SH3TC2: variants seen among roughly 807,000 people sequenced by gnomAD.
SH3TC2 encodes the protein SH3 domain and tetratricopeptide repeat-containing protein 2.
SH3TC2 carries 87 observed loss-of-function variants against 124.5 expected under a neutral mutation model. The observed-to-expected ratio is 0.70, with a 90% CI of 0.59 to 0.84. The LOEUF (loss-of-function observed/expected upper bound fraction) is 0.84. Among genes scored for constraint, SH3TC2 ranks in the 40% least tolerant of loss-of-function variants. SH3TC2 has a pLI of 0.00. For synonymous variants in SH3TC2, 634 were observed against 628.5 expected (o/e 1.01, Z -0.13); for missense variants, 1,536 against 1,566.4 (o/e 0.98, Z 0.33).
chr5:148,991,359 C>T lies in SH3TC2; in HGVS notation c.*13352G>A, dbSNP rs192178726. 3.0e-3 allele frequency among the ~76,000 whole-genome samples: 464 copies of T among 152,308 alleles called. 2 individuals carry two copies. The highest frequency in any genetic ancestry group is 0.014 in the Middle Eastern group (4 of 294). On this transcript the variant is annotated 3_prime_UTR_variant, in exon 17 of 17. Transcript: ENST00000515425. Reference sequence around the variant, plus strand: ...GTGCTCTGAAGAAGAGGGTCAATTTCTTTGTGGGGAGTAGCAACACAAACC... The same window carrying T: ...GTGCTCTGAAGAAGAGGGTCAATTTTTTTGTGGGGAGTAGCAACACAAACC...
rs1448193395 is a variant in SH3TC2 at position 148,991,388 on chromosome 5, C to A, written c.*13323G>T. Among the ~76,000 whole-genome samples the A allele has an allele frequency of 6.6e-6, 1 of 152,184 alleles. No homozygotes were observed. Among genetic ancestry groups the A allele is most frequent in the Non-Finnish European group, 1.5e-5 (1 of 68,044 alleles). On this transcript the variant is annotated 3_prime_UTR_variant, in exon 17 of 17. Coordinates refer to ENST00000515425, the MANE Select transcript of SH3TC2 (RefSeq NM_024577.4). ...GTGGGGAGTAGCAACACAAACCATC[C>A]AGCCAGCAATTAAATCTACAGTTCC...
intron 12 of SH3TC2, among the ~76,000 whole-genome samples, chr5:149,015,598 C>T (rs115533705): frequency 7.6e-4 from 116 of 152,318 alleles, no homozygotes; most frequent in African/African-American, 2.6e-3. Context: ...TCTCATTTTT[C>T]CTGTCCTCAA....
At chr5:149,058,446 T>C (rs898809743) in intron 1 of SH3TC2, among the ~76,000 whole-genome samples, 2 of 152,238 alleles carry the variant, frequency 1.3e-5, no homozygotes, top group Non-Finnish European at 2.9e-5. Context: ...TGACTTACGA[T>C]GTTAATCACT....
chr5:149,040,614 G>A lies in SH3TC2; in HGVS notation c.795C>T (p.Ser265=), dbSNP rs1216418483. 1 of 1,613,984 alleles carries A rather than the reference G, an allele frequency of 6.2e-7. No individual in the cohort carries two copies. Among genetic ancestry groups the A allele is most frequent in the Non-Finnish European group, 8.5e-7 (1 of 1,179,860 alleles). ...GLSRKRDWTG[S]YQIGRGRCKA... ...TTGACTCAGCCATACCAATCTGATA[G>A]GAGCCTGTCCAATCCCTCTTCCTGG... Residue 265 remains serine, a synonymous_variant, in exon 7 of 17, where the codon TCC becomes TCT. Transcript: ENST00000515425.
chr5:149,021,866 A>C (rs1753976077), intron 12 of SH3TC2, among the ~76,000 whole-genome samples: 1 of 145,576 alleles, frequency 6.9e-6, no homozygotes, highest in Non-Finnish European at 1.5e-5. Flanking sequence ...ATTAACACCA[A>C]TCCTTCACAA....
chr5:149,041,086 T>G (rs1346894216), intron 6 of SH3TC2, among the ~76,000 whole-genome samples: 1 of 152,154 alleles, frequency 6.6e-6, no homozygotes, highest in African/African-American at 2.4e-5. Flanking sequence ...AAATGAAGAT[T>G]CCTAGACTCA....
rs1754246476 is a variant in SH3TC2, at chr5:149,034,256, T to C, written c.1002-2569A>G. 1.9e-5 allele frequency: 3 copies of C among 161,846 alleles called. No individual in the cohort carries two copies. The South Asian group carries it at 4.7e-4, about 26-fold the overall frequency. 10.0% of individuals were successfully genotyped at this position (161,846 alleles called of 1,614,324 possible). On this transcript the variant is annotated intron_variant, in intron 8 of 16. Transcript: ENST00000515425. ...GTGGGTTAAACAGCAAGTTTAGTCA[T>C]AGCAGAGGTGAGAATTAGTGAAACT...
Position 149,026,868 on chromosome 5 carries a change from T to C in SH3TC2, c.2864A>G (p.His955Arg). The change falls in exon 11 of 17, where the codon CAT (histidine) becomes CGT (arginine). Residue 955 changes from histidine (H) to arginine (R), a missense_variant. Physicochemically the swap from His to Arg is conservative, Grantham distance 29. Around this residue, in one of 3 missense-constraint regions of SH3TC2, gnomAD observed 426 missense variants for 443.5 expected, o/e 0.96. Transcript: ENST00000515425. ...GCATGGGACATACTTACTCTTTAGA[T>C]GTCGATGCCTTAAGCCAAACAGCAA... is the stretch of plus-strand genomic sequence containing the variant. ...MALLFGLRHR[H>R]LKSQLQATKS... 1 of 1,614,198 alleles carries C rather than the reference T, an allele frequency of 6.2e-7. No individual in the cohort carries two copies. The highest frequency in any genetic ancestry group is 8.5e-7 in the Non-Finnish European group (1 of 1,180,036).
intron 12 of SH3TC2, among the ~76,000 whole-genome samples, chr5:149,021,953 G>A (rs1214263845): frequency 3.5e-5 from 1 of 28,546 alleles, no homozygotes; most frequent in Non-Finnish European, 5.1e-5. Context: ...TCGCTCTGTC[G>A]CCCAGGCTGG....
At chr5:149,034,584 G>A (rs557042166) in intron 8 of SH3TC2, 102 of 284,070 alleles carry the variant, frequency 3.6e-4, no homozygotes, top group Admixed American at 2.7e-3. Context: ...ATGCTTACAG[G>A]TCTTTTTAAG....
At chr5:149,051,291 G>T (rs1334008538) in intron 2 of SH3TC2, among the ~76,000 whole-genome samples, 1 of 152,188 alleles carries the variant, frequency 6.6e-6, no homozygotes, top group Admixed American at 6.5e-5. Context: ...GATTCGTACA[G>T]ATGCCCTTCT....
rs930205 is a variant in SH3TC2 at position 148,985,671 on chromosome 5, T to A, written c.*19040A>T. The stretch of plus-strand genomic sequence containing the variant: ...TATGAATAAATCCACTCTAAACATT[T>A]GTGTATAGGCTTTTGTATACATAAG... On this transcript the variant is annotated 3_prime_UTR_variant, in exon 17 of 17. Transcript: ENST00000515425. Among the ~76,000 whole-genome samples the A allele has an allele frequency of 6.6e-6, 1 of 151,984 alleles. No homozygotes were observed. Among genetic ancestry groups the A allele is most frequent in the African/African-American group, 2.4e-5 (1 of 41,378 alleles).
chr5:149,015,780 C>G (rs1419748694), intron 12 of SH3TC2, among the ~76,000 whole-genome samples: 2 of 152,146 alleles, frequency 1.3e-5, no homozygotes, highest in Non-Finnish European at 1.5e-5. Flanking sequence ...AACCTCTGGC[C>G]AAAGCCCAGC....
Position 148,985,080 on chromosome 5 carries a change from A to T in SH3TC2, c.*19631T>A, listed in dbSNP as rs961541157. On this transcript the variant is annotated 3_prime_UTR_variant, in exon 17 of 17. Coordinates refer to ENST00000515425, the MANE Select transcript of SH3TC2 (RefSeq NM_024577.4). The stretch of plus-strand genomic sequence containing the variant: ...TGAGACTCTTCTTGATAGAACTTTT[A>T]TTGGTTCTGACTCCACTTGACATCC... Among the ~76,000 whole-genome samples the T allele has an allele frequency of 9.9e-5, 15 of 151,734 alleles. No individual in the cohort carries two copies. Among genetic ancestry groups the T allele is most frequent in the Non-Finnish European group, 1.9e-4 (13 of 67,948 alleles).
At position 149,036,433 on chromosome 5, in the gene SH3TC2, C is replaced by G. The variant is rs1161846170; in HGVS notation, c.1001+1862G>C. ...CTCCTCTGTTTCCTCTCTGCGTTCT[C>G]TCTTCCTCTGCTCTGTAAATGGAGG... On this transcript the variant is annotated intron_variant, in intron 8 of 16. Coordinates refer to ENST00000515425, the MANE Select transcript of SH3TC2 (RefSeq NM_024577.4). Among the ~76,000 whole-genome samples the G allele has an allele frequency of 2.6e-5, 4 of 152,192 alleles. No individual in the cohort carries two copies. The East Asian group carries it at 5.8e-4, about 22-fold the overall frequency.
At chr5:149,011,885 G>A (rs1010973683) in intron 13 of SH3TC2, among the ~76,000 whole-genome samples, 3 of 152,150 alleles carry the variant, frequency 2.0e-5, no homozygotes, top group Admixed American at 6.5e-5. Context: ...AAAATATAAT[G>A]TATTAAACAT....
At position 149,041,559 on chromosome 5, in the gene SH3TC2, T is replaced by C; in HGVS notation, c.588A>G (p.Glu196=). 6.2e-7 allele frequency: 1 copy of C among 1,614,184 alleles called. No homozygotes were observed. The highest frequency in any genetic ancestry group is 1.7e-4 in the Middle Eastern group (1 of 6,060). The change falls in exon 6 of 17, where the codon GAA becomes GAG. Residue 196 remains glutamate (E), a synonymous_variant. Transcript: ENST00000515425. ...ACTCATTCTTGCAAAGTGTCAAGCA[T>C]TCCCCTTCCTTCTCGGCTGGTGGAG... ...SVTPPAEKEG[E]CLTLCKNELI... is the part of the protein sequence containing the mutation.
intron 12 of SH3TC2, among the ~76,000 whole-genome samples, chr5:149,014,084 G>T (rs968684989): frequency 6.6e-6 from 1 of 152,160 alleles, no homozygotes; most frequent in African/African-American, 2.4e-5. Flanking sequence ...ATTAGGGGGA[G>T]ATCCAAGGCC....
Position 149,012,752 on chromosome 5 carries a change from C to A in SH3TC2, c.3054-18G>T. ...TGAGGGACCTGGGGACAGACATGAACTTGTGAGGTGTGAAGGCTCAAAGGG... is the reference window on the plus strand; with the variant it reads ...TGAGGGACCTGGGGACAGACATGAAATTGTGAGGTGTGAAGGCTCAAAGGG... On this transcript the variant is annotated intron_variant, in intron 12 of 16. Transcript: ENST00000515425. The A allele has an allele frequency of 6.2e-7, 1 of 1,613,970 alleles. No individual in the cohort carries two copies. The highest frequency in any genetic ancestry group is 8.5e-7 in the Non-Finnish European group (1 of 1,179,972).
Sources: gnomAD v4.1 joint callset for allele counts (sites outside exome capture counted in the v4.1 genomes callset) on GRCh38, gnomAD v4.1.1 for gene constraint, gnomAD v4.1.1 regional missense constraint, MANE v1.5 for transcripts, NCBI Gene and HGNC (gene_info 2026-07-23, HGNC 2026-07-21) for gene names.